Variants in LRRC72 observed in about 807,000 individuals in gnomAD.
LRRC72 encodes leucine rich repeat containing 72, also known as leucine-rich repeat-containing protein 72.
In LRRC72, 41 loss-of-function variants were observed where a neutral mutation model predicts 35.8. That is an observed-to-expected ratio of 1.15 (90% CI 0.89 to 1.49). LRRC72 has a LOEUF of 1.49. Among genes scored for constraint, LRRC72 ranks in the 40% most tolerant of loss-of-function variants. The pLI, the probability that LRRC72 is intolerant of heterozygous loss-of-function variation, is 0.00. For synonymous variants in LRRC72, 118 were observed against 119.2 expected (o/e 0.99, Z 0.07); for missense variants, 389 against 330.7 (o/e 1.18, Z -1.37).
intron 3 of LRRC72, among the ~76,000 whole-genome samples, chr7:16,539,107 G>A (rs899431673): frequency 1.3e-5 from 2 of 152,214 alleles, no homozygotes; most frequent in Non-Finnish European, 2.9e-5. Context: ...AAGAAGACAG[G>A]AAGACATGGG....
chr7:16,568,245 T>TACAA, intron 7 of LRRC72, among the ~76,000 whole-genome samples: 2 of 152,324 alleles, frequency 1.3e-5, no homozygotes, highest in South Asian at 2.1e-4. Context: ...AGGTGGCTGG[T>TACAA]GTACCCCCAA....
chr7:16,534,736 G>A (rs931116948), intron 2 of LRRC72, among the ~76,000 whole-genome samples: 1 of 152,106 alleles, frequency 6.6e-6, no homozygotes, highest in African/African-American at 2.4e-5. Context: ...GCCATGTAAT[G>A]ATTTCTTTAT....
At chr7:16,555,850 T>A (rs1782640938) in intron 3 of LRRC72, among the ~76,000 whole-genome samples, 1 of 152,146 alleles carries the variant, frequency 6.6e-6, no homozygotes. Flanking sequence ...CAGGAACATA[T>A]ATTCTTGTAT....
intron 6 of LRRC72, among the ~76,000 whole-genome samples, chr7:16,566,654 C>T (rs1782849802): frequency 6.6e-6 from 1 of 152,088 alleles, no homozygotes; most frequent in Non-Finnish European, 1.5e-5. Context: ...GGAAAGTATT[C>T]CTTCTGGTCC....
intron 3 of LRRC72, among the ~76,000 whole-genome samples, chr7:16,551,490 T>C (rs1002871001): frequency 3.9e-5 from 6 of 152,124 alleles, no homozygotes; most frequent in Non-Finnish European, 8.8e-5. Context: ...AATTAGAAGG[T>C]TGGGACTTCT....
intron 6 of LRRC72, among the ~76,000 whole-genome samples, chr7:16,567,186 C>G (rs2128338249): frequency 6.6e-6 from 1 of 152,200 alleles, no homozygotes; most frequent in East Asian, 1.9e-4. Flanking sequence ...GGATTAAGCT[C>G]TGTCTTGTGA....
At chr7:16,575,044 G>T (rs113128844) in intron 7 of LRRC72, among the ~76,000 whole-genome samples, 24 of 150,746 alleles carry the variant, frequency 1.6e-4, no homozygotes, top group African/African-American at 5.6e-4. Flanking sequence ...GGACCCGGGA[G>T]TTGGAGGTTG....
intron 3 of LRRC72, among the ~76,000 whole-genome samples, chr7:16,545,267 G>A (rs1295130099): frequency 4.6e-5 from 7 of 152,158 alleles, no homozygotes; most frequent in African/African-American, 4.8e-5. Context: ...GACATGAAGC[G>A]CATATTGAGA....
intron 7 of LRRC72, among the ~76,000 whole-genome samples, chr7:16,573,208 G>A (rs574409315): frequency 9.2e-5 from 14 of 152,262 alleles, no homozygotes; most frequent in Middle Eastern, 6.8e-3. Context: ...AATCACTATC[G>A]TGAAAATGGC....
intron 1 of LRRC72, among the ~76,000 whole-genome samples, chr7:16,530,914 G>A (rs1340455253): frequency 6.6e-6 from 1 of 152,088 alleles, no homozygotes; most frequent in African/African-American, 2.4e-5. Flanking sequence ...ACCCAGATGA[G>A]GGCTGGGCAC....
At chr7:16,570,827 C>CA (rs1358654322) in intron 7 of LRRC72, among the ~76,000 whole-genome samples, 2 of 152,028 alleles carry the variant, frequency 1.3e-5, no homozygotes, top group East Asian at 1.9e-4. Flanking sequence ...AACAAACAAA[C>CA]AAAAAACCCA....
rs769954477 is a variant in LRRC72 at position 16,563,082 on chromosome 7, G to T, written c.428-3231G>T. Among the ~76,000 whole-genome samples the T allele has an allele frequency of 9.3e-4, 141 of 152,072 alleles. 2 individuals carry two copies. The highest frequency in any genetic ancestry group is 4.9e-4 in the Non-Finnish European group (33 of 68,018). On this transcript the variant is annotated intron_variant, in intron 5 of 8. Coordinates refer to ENST00000401542, the MANE Select transcript of LRRC72 (RefSeq NM_001195280.2). Reference sequence around the variant, plus strand: ...ACAGCTGAACTTCCTTCCACAGGCCGTTCTCTATAGGCTTTTAACTTCTCC... The same window carrying T: ...ACAGCTGAACTTCCTTCCACAGGCCTTTCTCTATAGGCTTTTAACTTCTCC...
At chr7:16,549,862 A>G (rs944716581) in intron 3 of LRRC72, among the ~76,000 whole-genome samples, 4 of 136,310 alleles carry the variant, frequency 2.9e-5, no homozygotes, top group Admixed American at 2.2e-4. Context: ...AAAGATAAAA[A>G]TAAAAGGAAA....
In LRRC72 at chr7:16,572,520, A is replaced by G. The variant is rs56998828; in HGVS notation, c.670+4977A>G. ...CAACATATGCAAATCAATAAATGTAATCCATCGCATAAACAGAACCAATGA... is the reference window on the plus strand; with the variant it reads ...CAACATATGCAAATCAATAAATGTAGTCCATCGCATAAACAGAACCAATGA... On this transcript the variant is annotated intron_variant, in intron 7 of 8. Coordinates refer to ENST00000401542, the MANE Select transcript of LRRC72 (RefSeq NM_001195280.2). 2.0e-3 allele frequency among the ~76,000 whole-genome samples: 309 copies of G among 152,362 alleles called. 3 individuals carry two copies. Among genetic ancestry groups the G allele is most frequent in the African/African-American group, 7.0e-3 (293 of 41,574 alleles).
chr7:16,566,334 G>C lies in LRRC72; in HGVS notation c.449G>C (p.Cys150Ser), dbSNP rs1328821264. Residue 150 changes from cysteine to serine, a missense_variant, in exon 6 of 9, where the codon TGC becomes TCC. By Grantham distance (112) the Cys-to-Ser change is moderately radical. Transcript: ENST00000401542. ...GCAGGTCTATACCAAAATCCTTTGT[G>C]CCAATATAACCTGTATCGTTTATAT... ...KILSLYQNPL[C>S]QYNLYRLYII... 3 of 1,538,106 alleles carry C rather than the reference G, an allele frequency of 2.0e-6. No homozygotes were observed. Among genetic ancestry groups the C allele is most frequent in the Admixed American group, 2.0e-5 (1 of 48,794 alleles).
chr7:16,564,247 C>A (rs1435234178), intron 5 of LRRC72, among the ~76,000 whole-genome samples: 1 of 152,204 alleles, frequency 6.6e-6, no homozygotes, highest in African/African-American at 2.4e-5. Flanking sequence ...AAGCAGACTT[C>A]TGTACTAAAG....
chr7:16,542,883 C>T (rs1245191858), intron 3 of LRRC72, among the ~76,000 whole-genome samples: 1 of 152,160 alleles, frequency 6.6e-6, no homozygotes, highest in African/African-American at 2.4e-5. Flanking sequence ...ATTTTCCTTT[C>T]ACATTTCTAA....
At chr7:16,532,664 C>G (rs1342274841) in intron 2 of LRRC72, 96 bp downstream of exon 2, 6 of 986,702 alleles carry the variant, frequency 6.1e-6, no homozygotes. Flanking sequence ...CATTTTTCCC[C>G]CTCAAGGACT....
intron 3 of LRRC72, among the ~76,000 whole-genome samples, chr7:16,541,981 C>T (rs1294927671): frequency 6.6e-6 from 1 of 151,734 alleles, no homozygotes; most frequent in Non-Finnish European, 1.5e-5. Flanking sequence ...AAAACTTGTC[C>T]TCGGTCACAG....
Sources: allele counts gnomAD v4.1 joint callset (sites outside exome capture counted in the v4.1 genomes callset), GRCh38; gene constraint gnomAD v4.1.1; transcripts MANE v1.5; gene names NCBI Gene and HGNC (gene_info 2026-07-23, HGNC 2026-07-21).